MCTP1: variants seen among roughly 807,000 people sequenced by gnomAD.
The protein encoded by MCTP1 is multiple C2 and transmembrane domain-containing protein 1.
In MCTP1, 69 loss-of-function variants were observed where a neutral mutation model predicts 120.6. The ratio of observed to expected loss-of-function variants is 0.57; its 90% CI spans 0.47 to 0.70. The LOEUF (loss-of-function observed/expected upper bound fraction) is 0.70, where lower values mean the gene tolerates loss of function less well. MCTP1 is among the 30% of genes least tolerant of loss of function. The pLI, the probability that MCTP1 is intolerant of heterozygous loss-of-function variation, is 0.00. For missense variants in MCTP1, 1,203 were observed against 1,248.8 expected (o/e 0.96, Z 0.55); for synonymous variants, 529 against 493.1 (o/e 1.07, Z -0.96).
At chr5:95,028,927 C>G (rs1839783992) in intron 1 of MCTP1, among the ~76,000 whole-genome samples, 1 of 152,008 alleles carries the variant, frequency 6.6e-6, no homozygotes, top group East Asian at 1.9e-4. Context: ...TTTGGGAGAC[C>G]AAGGCGGGCG....
intron 1 of MCTP1, among the ~76,000 whole-genome samples, chr5:95,135,099 T>G (rs772469209): frequency 6.7e-5 from 10 of 150,040 alleles, no homozygotes; most frequent in Non-Finnish European, 1.5e-4. Flanking sequence ...AAATCAGTAT[T>G]TCACTAGATC....
intron 1 of MCTP1, among the ~76,000 whole-genome samples, chr5:95,096,535 C>A (rs575345958): frequency 2.0e-4 from 30 of 151,970 alleles, no homozygotes; most frequent in African/African-American, 6.5e-4. Context: ...GCATGTGAAG[C>A]AAGAGAGAAA....
chr5:95,015,140 T>G (rs1361259943), intron 2 of MCTP1, among the ~76,000 whole-genome samples: 1 of 152,138 alleles, frequency 6.6e-6, no homozygotes, highest in Non-Finnish European at 1.5e-5. Context: ...ATTATAACTT[T>G]TATATGCACT....
At chr5:94,917,314 CTTCT>C (rs1810334505) in intron 8 of MCTP1, among the ~76,000 whole-genome samples, 1 of 152,084 alleles carries the variant, frequency 6.6e-6, no homozygotes, top group African/African-American at 2.4e-5. Flanking sequence ...AATTAGAACT[CTTCT>C]TGAGGAGGAC....
intron 1 of MCTP1, among the ~76,000 whole-genome samples, chr5:95,052,775 T>TGGGCTATA (rs947713574): frequency 2.6e-5 from 4 of 152,194 alleles, no homozygotes; most frequent in African/African-American, 9.6e-5. Flanking sequence ...CCTATGATCC[T>TGGGCTATA]GGGCTATAAT....
intron 17 of MCTP1, among the ~76,000 whole-genome samples, chr5:94,860,750 C>T (rs533954879): frequency 3.5e-4 from 52 of 150,258 alleles, no homozygotes; most frequent in African/African-American, 5.1e-4. Context: ...TGAGCTGGGG[C>T]GGGGGGGAAG....
intron 19 of MCTP1, among the ~76,000 whole-genome samples, chr5:94,765,708 G>GAAAAAAAAAAAAAAAAAAAAAAAA (rs70978128): frequency 9.2e-6 from 1 of 109,114 alleles, no homozygotes; most frequent in Non-Finnish European, 1.9e-5. Context: ...TCTCAAAAAA[G>GAAAAAAAAAAAAAAAAAAAAAAAA]AAAAAAAAAA....
chr5:94,900,938 T>C (rs1561828555), intron 10 of MCTP1, among the ~76,000 whole-genome samples: 1 of 152,260 alleles, frequency 6.6e-6, no homozygotes, highest in Non-Finnish European at 1.5e-5. Context: ...TATCTAGTTA[T>C]ACTATCACAT....
At chr5:95,258,664 G>A (rs1758141159) in intron 1 of MCTP1, among the ~76,000 whole-genome samples, 1 of 152,036 alleles carries the variant, frequency 6.6e-6, no homozygotes, top group South Asian at 2.1e-4. Context: ...AAAGTACATG[G>A]GAACTCTCTG....
intron 1 of MCTP1, among the ~76,000 whole-genome samples, chr5:95,182,806 A>C (rs1748751786): frequency 6.6e-6 from 1 of 152,052 alleles, no homozygotes; most frequent in Non-Finnish European, 1.5e-5. Flanking sequence ...GGTGGATCAC[A>C]AGGTCAGGAG....
chr5:95,103,843 T>C (rs6556859), intron 1 of MCTP1, among the ~76,000 whole-genome samples: 82,357 of 151,984 alleles, frequency 0.54, 25,139 homozygotes, highest in Non-Finnish European at 0.7. Flanking sequence ...AAAGAAGTTC[T>C]ATGAGCACAA....
chr5:95,176,044 T>A (rs1338269442), intron 1 of MCTP1, among the ~76,000 whole-genome samples: 2 of 152,222 alleles, frequency 1.3e-5, no homozygotes, highest in African/African-American at 4.8e-5. Flanking sequence ...TCTGCATTTC[T>A]TCCCTATAAA....
At chr5:95,176,607 G>C (rs2152506640) in intron 1 of MCTP1, among the ~76,000 whole-genome samples, 1 of 152,214 alleles carries the variant, frequency 6.6e-6, no homozygotes, top group South Asian at 2.1e-4. Flanking sequence ...ACATACTTTG[G>C]GAGGCCAAGG....
chr5:94,856,151 T>A (rs1308162760), intron 17 of MCTP1, among the ~76,000 whole-genome samples: 1 of 151,718 alleles, frequency 6.6e-6, no homozygotes, highest in African/African-American at 2.4e-5. Flanking sequence ...TAACTCATAA[T>A]CCCTGTGCTA....
chr5:94,982,625 G>A (rs143985731), intron 2 of MCTP1, among the ~76,000 whole-genome samples: 3 of 151,954 alleles, frequency 2.0e-5, no homozygotes, highest in Admixed American at 1.3e-4. Context: ...AGATGGTCAC[G>A]CACCTGTAAT....
At chr5:95,017,989 T>C (rs557799562) in intron 1 of MCTP1, among the ~76,000 whole-genome samples, 86 of 152,196 alleles carry the variant, frequency 5.7e-4, no homozygotes, top group Middle Eastern at 6.8e-3. Flanking sequence ...TTTAATTATA[T>C]AGAAATAAAT....
At chr5:95,039,467 G>C (rs1459743047) in intron 1 of MCTP1, among the ~76,000 whole-genome samples, 1 of 152,096 alleles carries the variant, frequency 6.6e-6, no homozygotes, top group Non-Finnish European at 1.5e-5. Context: ...AGGGGGTTGT[G>C]GGCTGAGGCA....
chr5:94,955,177 T>C (rs1184249092), intron 2 of MCTP1, among the ~76,000 whole-genome samples: 2 of 152,194 alleles, frequency 1.3e-5, no homozygotes, highest in Non-Finnish European at 2.9e-5. Context: ...GGGGAACTCC[T>C]TCCCCTACCC....
intron 1 of MCTP1, among the ~76,000 whole-genome samples, chr5:95,251,530 A>C (rs2152699587): frequency 6.6e-6 from 1 of 152,268 alleles, no homozygotes; most frequent in East Asian, 1.9e-4. Context: ...AAATTTAGGG[A>C]AAGTAACTCC....
Sources: allele counts gnomAD v4.1 joint callset (sites outside exome capture counted in the v4.1 genomes callset), GRCh38; gene constraint gnomAD v4.1.1; transcripts MANE v1.5; gene names NCBI Gene and HGNC (gene_info 2026-07-23, HGNC 2026-07-21).